FARP1: variants seen among roughly 807,000 people sequenced by gnomAD.
FARP1 encodes the protein FERM, ARH/RhoGEF and pleckstrin domain protein 1.
In FARP1, 52 loss-of-function variants were observed where a neutral mutation model predicts 128.8. The ratio of observed to expected loss-of-function variants is 0.40; its 90% CI spans 0.32 to 0.51. The LOEUF (loss-of-function observed/expected upper bound fraction) is 0.51. Among genes scored for constraint, FARP1 ranks in the 20% least tolerant of loss-of-function variants. The pLI is 0.45. For synonymous variants in FARP1, 580 were observed against 551.8 expected, an observed-to-expected ratio of 1.05 and a Z score of -0.72; for missense variants, 1,333 against 1,367.9, an observed-to-expected ratio of 0.97 and a Z score of 0.40.
intron 13 of FARP1, chr13:98,400,081 C>A (rs1156277905): frequency 1.3e-5 from 2 of 152,172 alleles, no homozygotes; most frequent in African/African-American, 4.8e-5. Context: ...ATTTATCTCC[C>A]CCCAATTGTG....
At chr13:98,285,678 C>T (rs1885131259) in intron 2 of FARP1, among the ~76,000 whole-genome samples, 1 of 149,932 alleles carries the variant, frequency 6.7e-6, no homozygotes, top group Non-Finnish European at 1.5e-5. Context: ...CAACAGGCAG[C>T]ATTCAAACGA....
intron 4 of FARP1, among the ~76,000 whole-genome samples, 155 bp downstream of exon 4, chr13:98,365,592 A>C (rs1889049110): frequency 6.6e-6 from 1 of 152,244 alleles, no homozygotes; most frequent in Non-Finnish European, 1.5e-5. Context: ...TGTACTATTA[A>C]AATGTGTGTC....
intron 2 of FARP1, among the ~76,000 whole-genome samples, chr13:98,225,712 C>T (rs1331476041): frequency 1.3e-5 from 2 of 152,226 alleles, no homozygotes; most frequent in East Asian, 3.9e-4. Flanking sequence ...AGCCCTCCGG[C>T]GTCCTGCCAA....
chr13:98,384,679 C>G, intron 6 of FARP1, 51 bp from the exon 7 acceptor site: 1 of 1,132,840 alleles, frequency 8.8e-7, no homozygotes, highest in African/African-American at 1.5e-5. Flanking sequence ...TATTGACAAA[C>G]TGGGAAGTGT....
At chr13:98,373,187 T>C (rs1889423604) in intron 5 of FARP1, among the ~76,000 whole-genome samples, 2 of 152,160 alleles carry the variant, frequency 1.3e-5, no homozygotes, top group Admixed American at 6.5e-5. Context: ...TCGCAGCCCA[T>C]GTGTGATTGT....
chr13:98,188,186 G>A (rs981167379), intron 1 of FARP1, among the ~76,000 whole-genome samples: 18 of 152,104 alleles, frequency 1.2e-4, no homozygotes, highest in African/African-American at 4.3e-4. Flanking sequence ...CAGCACCCAC[G>A]TGGGCCTCTT....
At chr13:98,384,614 A>ACCAACTGG (rs1890027267) in intron 6 of FARP1, 116 bp from the exon 7 acceptor site, 5 of 652,946 alleles carry the variant, frequency 7.7e-6, no homozygotes, top group Admixed American at 7.5e-5. Flanking sequence ...GATGTTCCCC[A>ACCAACTGG]CCAACTGGGC....
intron 2 of FARP1, among the ~76,000 whole-genome samples, chr13:98,294,700 G>A (rs779530728): frequency 4.0e-5 from 6 of 151,744 alleles, no homozygotes; most frequent in African/African-American, 1.4e-4. Context: ...GGAGTGAAAA[G>A]CATTTTATTC....
At chr13:98,165,412 T>C (rs1261569766) in intron 1 of FARP1, among the ~76,000 whole-genome samples, 1 of 151,996 alleles carries the variant, frequency 6.6e-6, no homozygotes, top group Non-Finnish European at 1.5e-5. Context: ...TTGAAGATAT[T>C]GTGAGTGCTC....
intron 2 of FARP1, among the ~76,000 whole-genome samples, chr13:98,259,913 G>GTGTGTGTGTGTGTA (rs1883791963): frequency 1.3e-5 from 2 of 151,540 alleles, no homozygotes; most frequent in Non-Finnish European, 2.9e-5. Context: ...GTGTGTGTGT[G>GTGTGTGTGTGTGTA]TGTGTGTATT....
At position 98,273,634 on chromosome 13, in the gene FARP1, G is replaced by A. The variant is rs1167980407; in HGVS notation, c.171+60221G>A. On this transcript the variant is annotated intron_variant, in intron 2 of 26. Transcript: ENST00000319562. ...TCTCTCTAACTTCTTGTCCACGGAA[G>A]CATCTGGCACAGTGGGCATTCAGTA... Among the ~76,000 whole-genome samples the A allele has an allele frequency of 2.0e-5, 3 of 152,254 alleles. No homozygotes were observed. In the East Asian group the frequency reaches 5.8e-4, roughly 29 times the overall value.
intron 13 of FARP1, chr13:98,401,881 C>T (rs1338729454): frequency 6.6e-6 from 1 of 151,610 alleles, no homozygotes; most frequent in African/African-American, 2.4e-5. Context: ...GGCCACTCGA[C>T]ACAGACATCA....
At chr13:98,235,508 C>T (rs1287994421) in intron 2 of FARP1, among the ~76,000 whole-genome samples, 2 of 152,132 alleles carry the variant, frequency 1.3e-5, no homozygotes, top group Non-Finnish European at 2.9e-5. Flanking sequence ...CTCCCTCTCT[C>T]CACAGCGGAG....
At chr13:98,283,346 A>C (rs1162840296) in intron 2 of FARP1, among the ~76,000 whole-genome samples, 1 of 152,224 alleles carries the variant, frequency 6.6e-6, no homozygotes, top group Non-Finnish European at 1.5e-5. Flanking sequence ...TTTGTCTTCA[A>C]ATTTTTTAGA....
At chr13:98,400,747 T>C (rs1461027901) in intron 13 of FARP1, 3 of 152,250 alleles carry the variant, frequency 2.0e-5, no homozygotes, top group Non-Finnish European at 4.4e-5. Flanking sequence ...TAAACATTTC[T>C]CCTCTGATGG....
chr13:98,274,316 C>T (rs1884534454), intron 2 of FARP1, among the ~76,000 whole-genome samples: 1 of 152,072 alleles, frequency 6.6e-6, no homozygotes, highest in South Asian at 2.1e-4. Context: ...GAAAAGGCAG[C>T]GCGGGGCAGC....
At chr13:98,222,970 G>A (rs1481231278) in intron 2 of FARP1, among the ~76,000 whole-genome samples, 1 of 152,022 alleles carries the variant, frequency 6.6e-6, no homozygotes, top group Non-Finnish European at 1.5e-5. Context: ...ATGGGTTGAA[G>A]AGGGCGGAGT....
chr13:98,348,577 G>A (rs117847184), intron 3 of FARP1, among the ~76,000 whole-genome samples: 1 of 152,262 alleles, frequency 6.6e-6, no homozygotes, highest in Non-Finnish European at 1.5e-5. Flanking sequence ...TGAAGTTCAG[G>A]CCTGGTGAGA....
intron 2 of FARP1, among the ~76,000 whole-genome samples, chr13:98,216,056 TG>T (rs2139339051): frequency 6.6e-6 from 1 of 152,364 alleles, no homozygotes; most frequent in Admixed American, 6.5e-5. Context: ...CCCAAAGTGC[TG>T]GGATTACAGG....
Sources: allele counts gnomAD v4.1 joint callset (sites outside exome capture counted in the v4.1 genomes callset), GRCh38; gene constraint gnomAD v4.1.1; transcripts MANE v1.5; gene names NCBI Gene and HGNC (gene_info 2026-07-23, HGNC 2026-07-21).